Variants in MYH11 observed in about 807,000 individuals in gnomAD.
MYH11 encodes myosin heavy chain 11.
Under a neutral mutation model 246.6 loss-of-function variants are expected in MYH11, and 80 were observed. The ratio of observed to expected loss-of-function variants is 0.32; its 90% CI spans 0.27 to 0.39. The LOEUF (loss-of-function observed/expected upper bound fraction) is 0.39. MYH11 is among the 10% of genes least tolerant of loss of function. The probability of loss-of-function intolerance (pLI) is 1.00; values close to 1 mark genes in which losing one functional copy is unlikely to be tolerated. For missense variants in MYH11, 2,158 were observed against 2,546.8 expected (o/e 0.85, Z 3.29); for synonymous variants, 1,071 against 1,015.5 (o/e 1.05, Z -1.04).
At chr16:15,763,950 G>C (rs895889884) in intron 9 of MYH11, 59 bp from the exon 10 acceptor site, 5 of 1,422,358 alleles carry the variant, frequency 3.5e-6, no homozygotes, top group Non-Finnish European at 5.0e-6. Context: ...GTACCCTGGA[G>C]TTTTGGAGCC....
At position 15,714,937 on chromosome 16, in the gene MYH11, C is replaced by T. The variant is rs757099566; in HGVS notation, c.5758G>A (p.Glu1920Lys). The T allele has an allele frequency of 2.1e-5, 34 of 1,613,940 alleles. No individual in the cohort carries two copies. Among genetic ancestry groups the T allele is most frequent in the South Asian group, 3.3e-5 (3 of 91,088 alleles). ...AGCTTGCTCTTGAGTGCGTTCACCT[C>T]GCGGCCCATGGCCTCGTTGCTCTCC... ...ATESNEAMGR[E>K]VNALKSKLRR... The change falls in exon 40 of 41, where the codon GAG becomes AAG. Residue 1920 changes from glutamate (E) to lysine (K), a missense_variant. Glu to Lys is a moderately conservative substitution (Grantham distance 56). Coordinates refer to ENST00000300036, the MANE Select transcript of MYH11 (RefSeq NM_002474.3).
chr16:15,735,559 G>A lies in MYH11; in HGVS notation c.3313C>T (p.Gln1105Ter). Residue 1105 changes from glutamine to a stop codon, truncating the protein, a stop_gained, in exon 26 of 41, where the codon CAG (glutamine) becomes TAG (stop). Coordinates refer to ENST00000300036, the MANE Select transcript of MYH11 (RefSeq NM_002474.3). LOFTEE classifies it high-confidence loss of function. ...ATCTTCTTCAGGGCATTGTTCTTCTGAGCGATTTCATCGTCAAGCCTTCCA... is the reference window on the plus strand; with the variant it reads ...ATCTTCTTCAGGGCATTGTTCTTCTAAGCGATTTCATCGTCAAGCCTTCCA... ...ALARLDDEIAQKNNALKKIRE... is the reference protein window; with the variant it reads ...ALARLDDEIA 6.2e-7 allele frequency: 1 copy of A among 1,614,172 alleles called. No individual in the cohort carries two copies. Among genetic ancestry groups the A allele is most frequent in the Non-Finnish European group, 8.5e-7 (1 of 1,180,046 alleles).
chr16:15,825,761 C>T (rs216164), intron 2 of MYH11, among the ~76,000 whole-genome samples: 8,081 of 152,058 alleles, frequency 0.053, 294 homozygotes, highest in Middle Eastern at 0.1. Context: ...CCATGCTGTA[C>T]GTGGTAAGGC....
intron 3 of MYH11, among the ~76,000 whole-genome samples, chr16:15,815,337 G>A (rs901176158): frequency 4.6e-5 from 7 of 152,090 alleles, no homozygotes; most frequent in African/African-American, 1.7e-4. Context: ...ACAGGATATT[G>A]CAACCACAGA....
At chr16:15,710,608 C>A (rs1449061899) in intron 40 of MYH11, among the ~76,000 whole-genome samples, 1 of 152,008 alleles carries the variant, frequency 6.6e-6, no homozygotes, top group African/African-American at 2.4e-5. Flanking sequence ...GTGGCTGTAT[C>A]CCCATCGCTC....
chr16:15,789,878 A>G (rs1235954686), intron 4 of MYH11, among the ~76,000 whole-genome samples: 5 of 152,236 alleles, frequency 3.3e-5, no homozygotes, highest in Non-Finnish European at 7.3e-5. Flanking sequence ...GTGTGCACAA[A>G]CAACATGTGT....
chr16:15,845,298 A>T (rs1365617228), intron 1 of MYH11, among the ~76,000 whole-genome samples: 1 of 139,968 alleles, frequency 7.1e-6, no homozygotes, highest in African/African-American at 2.7e-5. Context: ...TTTTTTCGCG[A>T]TTTTTTTTTT....
intron 14 of MYH11, among the ~76,000 whole-genome samples, chr16:15,755,088 T>C (rs945625643): frequency 2.0e-5 from 3 of 152,234 alleles, no homozygotes; most frequent in Non-Finnish European, 2.9e-5. Flanking sequence ...AATAAAACTT[T>C]ATTTACAATA....
chr16:15,829,695 A>G (rs1421641376), intron 2 of MYH11, among the ~76,000 whole-genome samples: 1 of 152,060 alleles, frequency 6.6e-6, no homozygotes, highest in Non-Finnish European at 1.5e-5. Flanking sequence ...CCCTCTTGTG[A>G]CCGTATTAGG....
intron 1 of MYH11, among the ~76,000 whole-genome samples, chr16:15,854,327 G>A (rs1355427187): frequency 2.0e-5 from 3 of 152,192 alleles, no homozygotes; most frequent in Non-Finnish European, 4.4e-5. Context: ...CAGGGGCCAG[G>A]CACTGTGCTA....
intron 1 of MYH11, among the ~76,000 whole-genome samples, chr16:15,849,257 C>G (rs1392361522): frequency 6.6e-6 from 1 of 152,186 alleles, no homozygotes; most frequent in African/African-American, 2.4e-5. Flanking sequence ...GTCTCAAACT[C>G]CTGATCTCAA....
chr16:15,810,028 T>A (rs1017275130), intron 3 of MYH11, among the ~76,000 whole-genome samples: 1 of 132,926 alleles, frequency 7.5e-6, no homozygotes, highest in African/African-American at 3.9e-5. Flanking sequence ...TTACGGTTTT[T>A]GTTTTTGTTT....
chr16:15,840,060 A>T lies in MYH11; in HGVS notation c.-17-1791T>A, dbSNP rs2044014012. 4.7e-5 allele frequency among the ~76,000 whole-genome samples: 7 copies of T among 148,426 alleles called. No individual in the cohort carries two copies. The Middle Eastern group carries it at 0.017, about 361-fold the overall frequency. On this transcript the variant is annotated intron_variant, in intron 1 of 40. Coordinates refer to ENST00000300036, the MANE Select transcript of MYH11 (RefSeq NM_002474.3). The stretch of plus-strand genomic sequence containing the variant: ...AGTGAGACGCTGTCTCAAAAAAATT[A>T]AAAAAAAGAGTTGCCAGTGGCAAGG...
intron 4 of MYH11, among the ~76,000 whole-genome samples, chr16:15,790,524 C>T (rs541535341): frequency 6.6e-6 from 1 of 152,122 alleles, no homozygotes; most frequent in Non-Finnish European, 1.5e-5. Flanking sequence ...AAGAAAACAT[C>T]CCAAGCTCCA....
intron 10 of MYH11, 151 bp downstream of exon 10, chr16:15,763,645 A>G (rs1384223124): frequency 1.5e-5 from 11 of 727,628 alleles, no homozygotes; most frequent in Non-Finnish European, 2.7e-5. Context: ...TGAGCACTGA[A>G]AAGTTTGAAA....
At chr16:15,807,423 T>TTTTG (rs917305204) in intron 3 of MYH11, among the ~76,000 whole-genome samples, 1 of 152,050 alleles carries the variant, frequency 6.6e-6, no homozygotes, top group Non-Finnish European at 1.5e-5. Context: ...ACGTCAGGTT[T>TTTTG]TTTGTTTGTT....
intron 3 of MYH11, among the ~76,000 whole-genome samples, chr16:15,814,380 C>A (rs1357040517): frequency 6.6e-6 from 1 of 151,282 alleles, no homozygotes; most frequent in Non-Finnish European, 1.5e-5. Context: ...TGGTTGAACC[C>A]CATCTCTATT....
intron 40 of MYH11, chr16:15,708,900 A>G (rs1011364894): frequency 4.0e-6 from 6 of 1,492,750 alleles, no homozygotes; most frequent in African/African-American, 1.4e-5. Flanking sequence ...GAGCCCGGTT[A>G]AGTATATTCT....
At chr16:15,772,293 T>C (rs2042122202) in intron 8 of MYH11, among the ~76,000 whole-genome samples, 1 of 151,920 alleles carries the variant, frequency 6.6e-6, no homozygotes, top group Admixed American at 6.6e-5. Flanking sequence ...GGTTTCACCA[T>C]GTTGACCACA....
Sources: allele counts gnomAD v4.1 joint callset (sites outside exome capture counted in the v4.1 genomes callset), GRCh38; gene constraint gnomAD v4.1.1; transcripts MANE v1.5; gene names NCBI Gene and HGNC (gene_info 2026-07-23, HGNC 2026-07-21).